Variants in P4HA3 observed in about 807,000 individuals in gnomAD.
P4HA3 encodes prolyl 4-hydroxylase subunit alpha 3, also known as prolyl 4-hydroxylase subunit alpha-3.
A neutral mutation model predicts 66.7 loss-of-function variants in P4HA3; 60 were observed. That is an observed-to-expected ratio of 0.90 (90% confidence interval 0.73 to 1.12). P4HA3 has a LOEUF of 1.12. Among genes scored for constraint, P4HA3 ranks in the 50% most tolerant of loss-of-function variants. The pLI, the probability that P4HA3 is intolerant of heterozygous loss-of-function variation, is 0.00. For missense variants in P4HA3, 683 were observed against 685.8 expected, an observed-to-expected ratio of 1.00 and a Z score of 0.05; for synonymous variants, 263 against 274.6, an observed-to-expected ratio of 0.96 and a Z score of 0.42.
chr11:74,267,893 C>G (rs1860043663), intron 12 of P4HA3, among the ~76,000 whole-genome samples: 1 of 152,218 alleles, frequency 6.6e-6, no homozygotes. Context: ...TCTGGCAGTG[C>G]TCAGGAATCA....
intron 9 of P4HA3, among the ~76,000 whole-genome samples, chr11:74,276,211 T>C (rs906679767): frequency 1.3e-5 from 2 of 152,086 alleles, no homozygotes; most frequent in African/African-American, 2.4e-5. Flanking sequence ...AAACATTCAA[T>C]AGTTGGGTGA....
chr11:74,275,016 TA>T (rs1565407198), intron 9 of P4HA3, among the ~76,000 whole-genome samples: 4 of 152,024 alleles, frequency 2.6e-5, no homozygotes, highest in South Asian at 4.1e-4. Context: ...TTCTGTCCAT[TA>T]AAAAAAATTG....
At chr11:74,275,738 G>A (rs561927421) in intron 9 of P4HA3, among the ~76,000 whole-genome samples, 6 of 152,066 alleles carry the variant, frequency 3.9e-5, no homozygotes, top group Non-Finnish European at 5.9e-5. Context: ...TATAAAGCTG[G>A]GGTTCAATTT....
chr11:74,304,685 A>G (rs992114977), intron 1 of P4HA3, among the ~76,000 whole-genome samples: 2 of 152,202 alleles, frequency 1.3e-5, no homozygotes, highest in African/African-American at 4.8e-5. Flanking sequence ...TATAAAGGCA[A>G]GACAGGGTCC....
intron 7 of P4HA3, among the ~76,000 whole-genome samples, chr11:74,279,851 C>T (rs1250616108): frequency 1.3e-5 from 2 of 152,140 alleles, no homozygotes; most frequent in South Asian, 2.1e-4. Context: ...GTAAGCACTT[C>T]GTAAGTGTTT....
At chr11:74,306,826 G>A (rs1363199180) in intron 1 of P4HA3, among the ~76,000 whole-genome samples, 1 of 152,194 alleles carries the variant, frequency 6.6e-6, no homozygotes, top group African/African-American at 2.4e-5. Flanking sequence ...GGGTCTCCCA[G>A]TGGGGAAATG....
intron 15 of P4HA3, chr11:74,251,280 A>G (rs757976111): frequency 5.6e-5 from 76 of 1,364,844 alleles, no homozygotes; most frequent in Admixed American, 9.4e-5. Context: ...CTACTTCTCC[A>G]ATACCCCCAA....
chr11:74,300,827 T>C lies in P4HA3; in HGVS notation c.567+1542A>G, dbSNP rs1341674655. Among the ~76,000 whole-genome samples the C allele has an allele frequency of 2.6e-5, 4 of 152,284 alleles. No individual in the cohort carries two copies. In the South Asian group the frequency reaches 6.2e-4, roughly 24 times the overall value. ...ATAGAAGGACATAAAAGGATGTTAA[T>C]AGAAGCTTTATTCACAGTAGCCCAA... On this transcript the variant is annotated intron_variant, in intron 3 of 12. Transcript: ENST00000331597.
At chr11:74,275,755 C>A (rs1421441859) in intron 9 of P4HA3, among the ~76,000 whole-genome samples, 2 of 152,042 alleles carry the variant, frequency 1.3e-5, no homozygotes, top group African/African-American at 2.4e-5. Context: ...ATTTATAGAT[C>A]AATTTTGGGG....
intron 3 of P4HA3, among the ~76,000 whole-genome samples, chr11:74,301,580 G>A (rs1172405192): frequency 6.6e-6 from 1 of 152,186 alleles, no homozygotes; most frequent in Non-Finnish European, 1.5e-5. Context: ...CAGATCTGTT[G>A]ATGAATACTG....
At chr11:74,253,126 A>AG (rs1286725072) in intron 15 of P4HA3, among the ~76,000 whole-genome samples, 8 of 152,160 alleles carry the variant, frequency 5.3e-5, no homozygotes, top group Non-Finnish European at 8.8e-5. Flanking sequence ...TGAGAGTGAC[A>AG]GGGCAGGGTA....
chr11:74,287,371 AT>A lies in P4HA3; in HGVS notation c.770-981del. On this transcript the variant is annotated intron_variant, in intron 5 of 12. Coordinates refer to ENST00000331597, the MANE Select transcript of P4HA3 (RefSeq NM_182904.5). ...AGAAGTGAAGTTTTGGAGAATGGAAATTATAAGCCCAAACCCCAGTGAAAAT... is the reference window on the plus strand; with the variant it reads ...AGAAGTGAAGTTTTGGAGAATGGAAATATAAGCCCAAACCCCAGTGAAAAT... 3 of 1,239,964 alleles carry A rather than the reference AT, an allele frequency of 2.4e-6. No homozygotes were observed. In the South Asian group the frequency reaches 3.8e-5, roughly 16 times the overall value. The allele number at this position is 1,239,964 out of a possible 1,614,324, so 76.8% of individuals were successfully genotyped here.
At chr11:74,264,489 C>G (rs1859958605), downstream of P4HA3, among the ~76,000 whole-genome samples, 1 of 152,132 alleles carries the variant, frequency 6.6e-6, no homozygotes, top group Non-Finnish European at 1.5e-5. Flanking sequence ...CTTAATGCAG[C>G]CTGTTCATGT....
chr11:74,279,600 AT>A, intron 7 of P4HA3, 148 bp from the exon 8 acceptor site: 1 of 713,406 alleles, frequency 1.4e-6, no homozygotes, highest in Non-Finnish European at 2.5e-6. Context: ...TGTGGGACTA[AT>A]TTAGTGACAG....
chr11:74,286,202 C>CT (rs1479651346), intron 6 of P4HA3, 26 bp downstream of exon 6: 1 of 1,607,116 alleles, frequency 6.2e-7, no homozygotes, highest in Non-Finnish European at 8.5e-7. Context: ...GCCTCTCCCC[C>CT]TTTCTCTTTC....
chr11:74,265,440 G>A (rs560443205), downstream of P4HA3, among the ~76,000 whole-genome samples: 18 of 152,184 alleles, frequency 1.2e-4, no homozygotes, highest in South Asian at 1.5e-3. Context: ...GGCTTGCGGG[G>A]AAGGGGCAGA....
intron 7 of P4HA3, 94 bp downstream of exon 7, chr11:74,285,715 T>C: frequency 7.6e-7 from 1 of 1,310,704 alleles, no homozygotes. Flanking sequence ...CTCTTTGAGG[T>C]GTCTAGTTGT....
At chr11:74,279,585 T>C in intron 7 of P4HA3, 133 bp from the exon 8 acceptor site, 2 of 808,300 alleles carry the variant, frequency 2.5e-6, no homozygotes, top group Non-Finnish European at 4.2e-6. Context: ...AGAGGACATT[T>C]TGCATGTGGG....
intron 1 of P4HA3, 143 bp from the exon 2 acceptor site, chr11:74,304,555 CCATG>C: frequency 8.8e-6 from 8 of 912,208 alleles, no homozygotes; most frequent in Non-Finnish European, 1.3e-5. Flanking sequence ...AACCAAAAAG[CCATG>C]CAAGCCCAAA....
Sources: allele counts gnomAD v4.1 joint callset (sites outside exome capture counted in the v4.1 genomes callset), GRCh38; gene constraint gnomAD v4.1.1; transcripts MANE v1.5; gene names NCBI Gene and HGNC (gene_info 2026-07-23, HGNC 2026-07-21).